Variants in PALLD observed in about 807,000 individuals in gnomAD.
The protein encoded by PALLD is palladin.
A neutral mutation model predicts 123.5 loss-of-function variants in PALLD; 61 were observed. The ratio of observed to expected loss-of-function variants is 0.49; its 90% CI spans 0.40 to 0.61. The LOEUF (loss-of-function observed/expected upper bound fraction) is 0.61, where lower values mean the gene tolerates loss of function less well. PALLD is among the 20% of genes least tolerant of loss of function. The pLI, the probability that PALLD is intolerant of heterozygous loss-of-function variation, is 0.00. For missense variants in PALLD, 1,273 were observed against 1,377.0 expected, an observed-to-expected ratio of 0.92 and a Z score of 1.20; for synonymous variants, 465 against 496.4, an observed-to-expected ratio of 0.94 and a Z score of 0.84.
intron 10 of PALLD, among the ~76,000 whole-genome samples, chr4:168,749,090 G>A (rs1200056830): frequency 2.0e-5 from 3 of 152,128 alleles, no homozygotes; most frequent in African/African-American, 7.2e-5. Flanking sequence ...GCTTAGTGCT[G>A]TCCTGGCAAT....
chr4:168,774,505 A>C (rs1330258906), intron 10 of PALLD, among the ~76,000 whole-genome samples: 1 of 152,146 alleles, frequency 6.6e-6, no homozygotes, highest in Non-Finnish European at 1.5e-5. Context: ...AGGCAGGCGG[A>C]TCACTGGAGG....
chr4:168,601,112 A>G (rs1251064809), intron 2 of PALLD, among the ~76,000 whole-genome samples: 1 of 151,958 alleles, frequency 6.6e-6, no homozygotes, highest in East Asian at 1.9e-4. Context: ...TTTAAAAAAA[A>G]AAATCTTAGC....
At chr4:168,513,022 A>C (rs552347271) in intron 2 of PALLD, among the ~76,000 whole-genome samples, 27 of 152,174 alleles carry the variant, frequency 1.8e-4, no homozygotes, top group African/African-American at 5.3e-4. Context: ...TAATTTACCC[A>C]TGTAACAAAC....
At chr4:168,832,186 T>C (rs1581683920) in intron 10 of PALLD, 3 of 985,376 alleles carry the variant, frequency 3.0e-6, no homozygotes, top group African/African-American at 1.7e-5. Context: ...GCGCGGGGAA[T>C]CGGCCCTGAG....
intron 2 of PALLD, among the ~76,000 whole-genome samples, chr4:168,587,910 G>A (rs1038772309): frequency 3.3e-5 from 5 of 152,090 alleles, no homozygotes; most frequent in African/African-American, 2.4e-5. Context: ...AGGTAAGGCT[G>A]CAAGCAGGAG....
At chr4:168,922,102 TACACACACACACACACACACACACAC>T (rs35503011) in intron 18 of PALLD, among the ~76,000 whole-genome samples, 4 of 132,630 alleles carry the variant, frequency 3.0e-5, no homozygotes, top group South Asian at 2.4e-4. Context: ...TATATATATA[TACACACACACACACACACACACACAC>T]ACACACACAC....
chr4:168,706,525 T>G (rs939582714), intron 8 of PALLD, among the ~76,000 whole-genome samples: 8 of 152,194 alleles, frequency 5.3e-5, no homozygotes, highest in African/African-American at 1.9e-4. Context: ...ACCGTAGTCC[T>G]CAGATCTTTC....
At chr4:168,555,060 G>A (rs1042658648) in intron 2 of PALLD, among the ~76,000 whole-genome samples, 20 of 152,128 alleles carry the variant, frequency 1.3e-4, no homozygotes, top group Middle Eastern at 3.4e-3. Context: ...TATGCAAGGA[G>A]AAAAAACAAA....
rs982865316 is a variant in PALLD at position 168,516,425 on chromosome 4, G to A, written c.908+4013G>A. Among the ~76,000 whole-genome samples, 43 of 151,802 alleles carry A rather than the reference G, an allele frequency of 2.8e-4. No individual in the cohort carries two copies. In the Middle Eastern group the frequency reaches 0.01, roughly 36 times the overall value. On this transcript the variant is annotated intron_variant, in intron 2 of 21. Transcript: ENST00000505667. ...AGAATTTTAGTTCAAAATTACCTCCGGTATTATAAAAAGGAGGCCTTATAT... is the reference window on the plus strand; with the variant it reads ...AGAATTTTAGTTCAAAATTACCTCCAGTATTATAAAAAGGAGGCCTTATAT...
Position 168,512,099 on chromosome 4 carries a change from T to C in PALLD, c.595T>C (p.Ser199Pro), listed in dbSNP as rs942883156. 6.2e-7 allele frequency: 1 copy of C among 1,614,054 alleles called. No homozygotes were observed. Among genetic ancestry groups the C allele is most frequent in the Non-Finnish European group, 8.5e-7 (1 of 1,180,030 alleles). ...RNRSPNGESS[S>P]PDSGYLSPKN... ...CAGAAGCCCAAATGGGGAGTCCTCG[T>C]CACCAGACAGTGGGTACCTGTCTCC... is the stretch of plus-strand genomic sequence containing the variant. Residue 199 changes from serine to proline, a missense_variant, in exon 2 of 22, where the codon TCA becomes CCA. Transcript: ENST00000505667.
intron 2 of PALLD, among the ~76,000 whole-genome samples, chr4:168,657,174 G>A (rs1030702668): frequency 6.6e-6 from 1 of 152,138 alleles, no homozygotes; most frequent in East Asian, 1.9e-4. Context: ...CATGTTCCAT[G>A]GTCCAGTAAG....
intron 17 of PALLD, among the ~76,000 whole-genome samples, chr4:168,917,752 A>AT (rs1048170747): frequency 6.6e-6 from 1 of 152,072 alleles, no homozygotes; most frequent in Admixed American, 6.5e-5. Context: ...ATCATTATTT[A>AT]TTTTTTACAG....
At chr4:168,525,237 T>C (rs1170199585) in intron 2 of PALLD, among the ~76,000 whole-genome samples, 1 of 152,196 alleles carries the variant, frequency 6.6e-6, no homozygotes, top group African/African-American at 2.4e-5. Flanking sequence ...AAAAGGCCAT[T>C]GCAAAATACA....
At chr4:168,924,879 G>T (rs1390593497) in intron 19 of PALLD, 66 bp from the exon 20 acceptor site, 29 of 1,505,480 alleles carry the variant, frequency 1.9e-5, no homozygotes, top group Non-Finnish European at 2.7e-5. Context: ...AATTAAAAAT[G>T]ATGCTTCATG....
intron 17 of PALLD, among the ~76,000 whole-genome samples, 160 bp downstream of exon 17, chr4:168,916,187 C>T (rs1252577685): frequency 6.6e-6 from 1 of 152,176 alleles, no homozygotes; most frequent in Non-Finnish European, 1.5e-5. Context: ...CAAAGCCGGG[C>T]AGATCGCTTG....
At chr4:168,697,290 TC>T (rs1388003335) in intron 8 of PALLD, among the ~76,000 whole-genome samples, 1 of 152,214 alleles carries the variant, frequency 6.6e-6, no homozygotes, top group Non-Finnish European at 1.5e-5. Context: ...GACAGTGTGC[TC>T]CACCACAGCA....
intron 10 of PALLD, among the ~76,000 whole-genome samples, chr4:168,833,371 G>A (rs1003444002): frequency 9.2e-5 from 14 of 152,142 alleles, no homozygotes; most frequent in Non-Finnish European, 1.9e-4. Context: ...GTCTTCAGGC[G>A]AAATTCCAGG....
chr4:168,908,321 T>C (rs1256843850), intron 15 of PALLD, among the ~76,000 whole-genome samples: 1 of 152,214 alleles, frequency 6.6e-6, no homozygotes, highest in African/African-American at 2.4e-5. Context: ...CACACCATTT[T>C]TCTACCTAAC....
At chr4:168,768,914 C>T (rs986611820) in intron 10 of PALLD, among the ~76,000 whole-genome samples, 17 of 152,024 alleles carry the variant, frequency 1.1e-4, no homozygotes, top group Admixed American at 3.9e-4. Context: ...CTGCAACCTC[C>T]GCCTCCTGGG....
Sources: allele counts gnomAD v4.1 joint callset (sites outside exome capture counted in the v4.1 genomes callset), GRCh38; gene constraint gnomAD v4.1.1; transcripts MANE v1.5; gene names NCBI Gene and HGNC (gene_info 2026-07-23, HGNC 2026-07-21).